The following ASB7 variants were observed in gnomAD, a reference collection of about 807,000 sequenced individuals.
The protein encoded by ASB7 is ankyrin repeat and SOCS box protein 7.
In ASB7, 4 loss-of-function variants were observed where a neutral mutation model predicts 32.5. That is an observed-to-expected ratio of 0.12 (90% CI 0.06 to 0.28). The LOEUF (loss-of-function observed/expected upper bound fraction) is 0.28, where lower values mean the gene tolerates loss of function less well. Ranked by LOEUF, ASB7 falls within the 10% of genes least tolerant of loss-of-function variation. The probability of loss-of-function intolerance (pLI) is 1.00; values close to 1 mark genes in which losing one functional copy is unlikely to be tolerated. For synonymous variants in ASB7, 172 were observed against 155.6 expected (o/e 1.11, Z -0.78); for missense variants, 181 against 407.1 (o/e 0.44, Z 4.78).
intron 2 of ASB7, among the ~76,000 whole-genome samples, chr15:100,603,836 T>G (rs943051048): frequency 2.4e-4 from 36 of 152,224 alleles, no homozygotes; most frequent in Admixed American, 3.3e-4. Flanking sequence ...TTTATGAGTT[T>G]CAGAAAATAG....
intron 4 of ASB7, among the ~76,000 whole-genome samples, chr15:100,623,659 T>C (rs538839613): frequency 6.6e-6 from 1 of 152,298 alleles, no homozygotes; most frequent in Non-Finnish European, 1.5e-5. Context: ...GTATAACCAC[T>C]GTGGAAAACT....
In ASB7 at chr15:100,624,136, A is replaced by G. The variant is rs1036053993; in HGVS notation, c.212-5301A>G. On this transcript the variant is annotated intron_variant, in intron 4 of 5. Transcript: ENST00000332783. ...CTCGATAGTAGAGAATAGAAGATAG[A>G]AAACAGAGGCTGGGAAGGGTATGTT... Among the ~76,000 whole-genome samples the G allele has an allele frequency of 3.4e-4, 52 of 152,324 alleles. 1 individual carries two copies. The highest frequency in any genetic ancestry group is 1.1e-3 in the African/African-American group (45 of 41,568).
At chr15:100,624,396 G>T (rs28875835) in intron 4 of ASB7, among the ~76,000 whole-genome samples, 1 of 151,996 alleles carries the variant, frequency 6.6e-6, no homozygotes, top group African/African-American at 2.4e-5. Context: ...TTCTGTGCAT[G>T]TAATAGATAC....
chr15:100,635,795 A>G (rs747689091), intron 5 of ASB7, among the ~76,000 whole-genome samples: 1 of 152,280 alleles, frequency 6.6e-6, no homozygotes, highest in Admixed American at 6.5e-5. Context: ...TTCCAGCCCC[A>G]TAAGCGAGAC....
intron 5 of ASB7, among the ~76,000 whole-genome samples, chr15:100,645,165 G>A (rs2039989159): frequency 6.6e-6 from 1 of 152,156 alleles, no homozygotes; most frequent in South Asian, 2.1e-4. Flanking sequence ...GGGTAACTGT[G>A]AGGTCAAAAT....
chr15:100,605,384 T>C (rs1030698856), intron 2 of ASB7, among the ~76,000 whole-genome samples: 16 of 152,242 alleles, frequency 1.1e-4, no homozygotes, highest in Non-Finnish European at 1.8e-4. Context: ...TCACCAAATA[T>C]AGATTTATAA....
intron 5 of ASB7, chr15:100,645,375 A>G: frequency 3.8e-6 from 1 of 266,340 alleles, no homozygotes. Flanking sequence ...TTCTCTACCA[A>G]TTTTCATTTA....
Position 100,649,294 on chromosome 15 carries a change from C to T in ASB7, c.*832C>T, listed in dbSNP as rs1244753427. The T allele has an allele frequency of 6.6e-6, 1 of 152,220 alleles. No homozygotes were observed. Among genetic ancestry groups the T allele is most frequent in the Non-Finnish European group, 1.5e-5 (1 of 68,044 alleles). 9.4% of individuals were successfully genotyped at this position (152,220 alleles called of 1,614,324 possible). A position where few individuals can be genotyped will look rare whatever the true frequency, so the allele number is the denominator to read the frequency against. On this transcript the variant is annotated 3_prime_UTR_variant, in exon 6 of 6. Transcript: ENST00000332783. ...ATTTCACTTGCTGGTCGTCATTTCA[C>T]AGCCAGCTTTGACATGCCCGTGAGG...
intron 4 of ASB7, among the ~76,000 whole-genome samples, chr15:100,615,053 C>T (rs984093246): frequency 2.0e-5 from 3 of 152,148 alleles, no homozygotes; most frequent in African/African-American, 4.8e-5. Flanking sequence ...ACAGTTGCCT[C>T]CAGTATTCAG....
At chr15:100,626,588 C>G (rs1037164638) in intron 4 of ASB7, among the ~76,000 whole-genome samples, 3 of 152,042 alleles carry the variant, frequency 2.0e-5, no homozygotes, top group African/African-American at 7.2e-5. Context: ...GTATTGAACC[C>G]AAGTGAGATG....
At chr15:100,638,113 G>T (rs959155607) in intron 5 of ASB7, among the ~76,000 whole-genome samples, 2 of 152,114 alleles carry the variant, frequency 1.3e-5, no homozygotes, top group African/African-American at 4.8e-5. Flanking sequence ...AATTTTAAAA[G>T]TGCAAGGGGG....
At chr15:100,614,029 T>C (rs1283995275) in intron 4 of ASB7, among the ~76,000 whole-genome samples, 1 of 152,110 alleles carries the variant, frequency 6.6e-6, no homozygotes. Context: ...TCCCAGCACT[T>C]TGGGAGGCCG....
chr15:100,634,592 C>T (rs886727125), intron 5 of ASB7, among the ~76,000 whole-genome samples: 3 of 152,090 alleles, frequency 2.0e-5, no homozygotes, highest in African/African-American at 7.2e-5. Flanking sequence ...TCACTTGAGG[C>T]CGGGAGTTAG....
intron 4 of ASB7, among the ~76,000 whole-genome samples, chr15:100,618,086 C>T (rs924158577): frequency 6.6e-6 from 1 of 152,138 alleles, no homozygotes; most frequent in South Asian, 2.1e-4. Flanking sequence ...GTACCTGTTA[C>T]TTTCAAAACA....
rs898603926 is a variant in ASB7, at chr15:100,612,276, C to T, written c.60C>T (p.Ala20=). ...TCCAGGAAGAGTTGCAGATTCAGGC[C>T]GCGGTGGCTGCTGGGGATGTCCACA... is the stretch of plus-strand genomic sequence containing the variant. ...PELQEELQIQ[A]AVAAGDVHTV... is the part of the protein sequence containing the mutation. The change falls in exon 4 of 6, where the codon GCC becomes GCT. Residue 20 remains alanine, a synonymous_variant. Coordinates refer to ENST00000332783, the MANE Select transcript of ASB7 (RefSeq NM_198243.3). 2 of 1,614,128 alleles carry T rather than the reference C, an allele frequency of 1.2e-6. No individual in the cohort carries two copies. Among genetic ancestry groups the T allele is most frequent in the African/African-American group, 1.3e-5 (1 of 75,034 alleles).
Position 100,648,488 on chromosome 15 carries a change from G to T in ASB7, c.*26G>T, listed in dbSNP as rs2040010798. 1 of 1,575,028 alleles carries T rather than the reference G, an allele frequency of 6.3e-7. No homozygotes were observed. The highest frequency in any genetic ancestry group is 8.7e-7 in the Non-Finnish European group (1 of 1,152,366). On this transcript the variant is annotated 3_prime_UTR_variant, in exon 6 of 6. Coordinates refer to ENST00000332783, the MANE Select transcript of ASB7 (RefSeq NM_198243.3). Reference sequence around the variant, plus strand: ...TATGCCAGAACTGTGAGCAAGATTAGGAGTTCTATTCTAGATACTTAAAAG... The same window carrying T: ...TATGCCAGAACTGTGAGCAAGATTATGAGTTCTATTCTAGATACTTAAAAG...
intron 5 of ASB7, among the ~76,000 whole-genome samples, chr15:100,642,712 A>G (rs866436826): frequency 2.0e-5 from 3 of 152,228 alleles, no homozygotes; most frequent in African/African-American, 7.2e-5. Context: ...TTCTGGAGCA[A>G]TTTGACTGGG....
chr15:100,602,873 C>T lies in ASB7; in HGVS notation c.-446C>T, dbSNP rs938168668. 7.8e-5 allele frequency: 31 copies of T among 396,440 alleles called. No homozygotes were observed. The highest frequency in any genetic ancestry group is 5.8e-4 in the African/African-American group (28 of 48,550). The allele number at this position is 396,440 out of a possible 1,614,324, so 24.6% of individuals were successfully genotyped here. On this transcript the variant is annotated 5_prime_UTR_variant, in exon 1 of 6. Coordinates refer to ENST00000332783, the MANE Select transcript of ASB7 (RefSeq NM_198243.3). The stretch of plus-strand genomic sequence containing the variant: ...CCCAAGGCTGCCCGGCGGCCGGGAT[C>T]GCCACCTCCTGCCTTCTCGGCTGTT...
At chr15:100,637,200 G>A (rs1431618379) in intron 5 of ASB7, among the ~76,000 whole-genome samples, 3 of 152,224 alleles carry the variant, frequency 2.0e-5, no homozygotes, top group Non-Finnish European at 4.4e-5. Flanking sequence ...AGCTGAGCCG[G>A]CAGCTTTTTC....
Sources: allele counts gnomAD v4.1 joint callset (sites outside exome capture counted in the v4.1 genomes callset), GRCh38; gene constraint gnomAD v4.1.1; transcripts MANE v1.5; gene names NCBI Gene and HGNC (gene_info 2026-07-23, HGNC 2026-07-21).